The following RIMOC1 variants were observed in gnomAD, a reference collection of about 807,000 sequenced individuals.
RIMOC1 encodes RAB7A interacting MON1-CCZ1 complex subunit 1, also known as RAB7A-interacting MON1-CCZ1 complex subunit 1.
chr5:41,913,932 T>C, the RIMOC1 span, among the ~76,000 whole-genome samples: 1 of 152,212 alleles, frequency 6.6e-6, no homozygotes, highest in Non-Finnish European at 1.5e-5. Context: ...TTCAGATAAC[T>C]AGGAACCAAT....
chr5:41,907,595 A>T, the RIMOC1 span: 5 of 544,794 alleles, frequency 9.2e-6, no homozygotes, highest in South Asian at 5.1e-5. Context: ...TTTAGATAAG[A>T]TATTATTACT....
chr5:41,904,534 G>C, the RIMOC1 span: 2 of 1,447,012 alleles, frequency 1.4e-6, no homozygotes, highest in Non-Finnish European at 1.9e-6. Flanking sequence ...CTCGATGGCT[G>C]TGAGGGCTAG....
chr5:41,912,907 A>C, the RIMOC1 span, among the ~76,000 whole-genome samples: 1 of 152,218 alleles, frequency 6.6e-6, no homozygotes, highest in Non-Finnish European at 1.5e-5. Flanking sequence ...GATCTTTCGC[A>C]CAGTAAAGGT....
chr5:41,911,331 G>T, the RIMOC1 span: 1 of 622,632 alleles, frequency 1.6e-6, no homozygotes, highest in South Asian at 3.7e-5. Flanking sequence ...AAATAAATTG[G>T]GCTTGTTGTG....
At chr5:41,918,169 G>T in the RIMOC1 span, 2 of 985,744 alleles carry the variant, frequency 2.0e-6, no homozygotes, top group South Asian at 9.4e-5. Context: ...TGATCTTTCT[G>T]ATACCTTGCT....
chr5:41,915,924 A>G, the RIMOC1 span, among the ~76,000 whole-genome samples: 1 of 152,216 alleles, frequency 6.6e-6, no homozygotes, highest in Non-Finnish European at 1.5e-5. Context: ...CTGTAGGAAC[A>G]AATTTTGATA....
At chr5:41,910,964 A>G in the RIMOC1 span, 81 of 1,490,778 alleles carry the variant, frequency 5.4e-5, no homozygotes, top group African/African-American at 8.2e-4. Context: ...AATGTTTTTA[A>G]TCGATGAGTT....
chr5:41,914,714 G>A, the RIMOC1 span, among the ~76,000 whole-genome samples: 548 of 152,194 alleles, frequency 3.6e-3, 5 homozygotes, highest in African/African-American at 0.013. Context: ...AGGCTGCAGT[G>A]AGCCCTGATC....
chr5:41,904,435 TA>T, the RIMOC1 span: 1 of 1,614,038 alleles, frequency 6.2e-7, no homozygotes, highest in Non-Finnish European at 8.5e-7. Flanking sequence ...CAGGCCCACA[TA>T]CAGCAACTTA....
chr5:41,917,243 T>C, the RIMOC1 span: 1 of 1,613,592 alleles, frequency 6.2e-7, no homozygotes, highest in South Asian at 1.1e-5. Flanking sequence ...AGAACAAGAA[T>C]GGAATACAAC....
the RIMOC1 span, among the ~76,000 whole-genome samples, chr5:41,914,569 T>C: frequency 4.0e-5 from 6 of 150,484 alleles, no homozygotes; most frequent in African/African-American, 9.8e-5. Context: ...CGCCAGGAGT[T>C]CAAGACATAG....
At chr5:41,905,994 G>T in the RIMOC1 span, among the ~76,000 whole-genome samples, 2 of 152,134 alleles carry the variant, frequency 1.3e-5, no homozygotes, top group African/African-American at 4.8e-5. Flanking sequence ...ATTAAAACAA[G>T]ATTTCATGTA....
chr5:41,909,710 T>G, the RIMOC1 span: 1 of 1,441,784 alleles, frequency 6.9e-7, no homozygotes, highest in Non-Finnish European at 9.3e-7. Flanking sequence ...CAATTTTAAG[T>G]CATTGATAGA....
At chr5:41,910,994 T>C in the RIMOC1 span, 166 of 1,580,012 alleles carry the variant, frequency 1.1e-4, 1 homozygote, top group Non-Finnish European at 1.3e-4. Context: ...TAACTTCAAC[T>C]TTTATAGACA....
At chr5:41,911,202 T>TAA in the RIMOC1 span, 5 of 1,581,854 alleles carry the variant, frequency 3.2e-6, no homozygotes, top group Non-Finnish European at 4.3e-6. Flanking sequence ...TCCTTACACA[T>TAA]TTTTCATTGT....
chr5:41,917,264 C>T, the RIMOC1 span: 2 of 1,611,492 alleles, frequency 1.2e-6, no homozygotes, highest in Non-Finnish European at 1.7e-6. Context: ...GAATGCAAAA[C>T]AAATTTTAAA....
the RIMOC1 span, chr5:41,920,871 G>A: frequency 6.6e-6 from 1 of 152,108 alleles, no homozygotes; most frequent in Non-Finnish European, 1.5e-5. Context: ...ATACCTAAAG[G>A]CCTTGTTGCA....
the RIMOC1 span, among the ~76,000 whole-genome samples, chr5:41,905,399 G>C: frequency 6.6e-6 from 1 of 152,146 alleles, no homozygotes; most frequent in South Asian, 2.1e-4. Context: ...AGCCCCTCTA[G>C]TAGTGGGACA....
At chr5:41,906,926 A>G in the RIMOC1 span, among the ~76,000 whole-genome samples, 1 of 152,110 alleles carries the variant, frequency 6.6e-6, no homozygotes, top group South Asian at 2.1e-4. Context: ...GTAAACTCAG[A>G]GAGTTTAGTG....
Sources: allele counts gnomAD v4.1 joint callset (sites outside exome capture counted in the v4.1 genomes callset), GRCh38; gene constraint gnomAD v4.1.1; transcripts MANE v1.5; gene names NCBI Gene and HGNC (gene_info 2026-07-23, HGNC 2026-07-21).